Variants in CYP3A4 observed in about 807,000 individuals in gnomAD.
CYP3A4 encodes the protein cytochrome P450 3A4.
CYP3A4 carries 41 observed loss-of-function variants against 54.9 expected under a neutral mutation model. The observed-to-expected ratio is 0.75, with a 90% CI of 0.58 to 0.97. CYP3A4 has a LOEUF of 0.97. CYP3A4 is among the 50% of genes least tolerant of loss of function. The pLI is 0.00. For missense variants in CYP3A4, 510 were observed against 597.3 expected (o/e 0.85, Z 1.52); for synonymous variants, 179 against 205.2 (o/e 0.87, Z 1.09).
intron 8 of CYP3A4, chr7:99,766,848 T>A (rs71581995): frequency 8.9e-5 from 32 of 361,450 alleles, no homozygotes; most frequent in Non-Finnish European, 1.2e-4. Context: ...TGAAGGGAAG[T>A]AAAGTGGTAA....
chr7:99,768,498 A>G lies in CYP3A4; in HGVS notation c.526T>C (p.Phe176Leu), dbSNP rs780747370. 9.3e-5 allele frequency: 150 copies of G among 1,613,772 alleles called. No individual in the cohort carries two copies. Among genetic ancestry groups the G allele is most frequent in the Admixed American group, 1.5e-4 (9 of 59,986 alleles). ...TGKPVTLKDV[F>L]GAYSMDVITS... ...ATCACATCCATGCTGTAGGCCCCAA[A>G]GACGCTGAGTGGAGAAAGATGTGGA... Residue 176 changes from phenylalanine to leucine, a missense_variant, in exon 7 of 13, where the codon TTT (phenylalanine) becomes CTT (leucine). Physicochemically the swap from Phe to Leu is conservative, Grantham distance 22. This residue lies in a region of CYP3A4 where 272 missense variants were observed against 274.9 expected (regional missense o/e 0.99). Coordinates refer to ENST00000651514, the MANE Select transcript of CYP3A4 (RefSeq NM_017460.6).
At chr7:99,781,194 T>C (rs1363223103) in intron 1 of CYP3A4, among the ~76,000 whole-genome samples, 1 of 152,208 alleles carries the variant, frequency 6.6e-6, no homozygotes, top group Admixed American at 6.5e-5. Flanking sequence ...ATCTGTCTGC[T>C]TCTCCTTCAC....
At chr7:99,781,233 A>G (rs1584551263) in intron 1 of CYP3A4, among the ~76,000 whole-genome samples, 1 of 151,650 alleles carries the variant, frequency 6.6e-6, no homozygotes, top group Non-Finnish European at 1.5e-5. Flanking sequence ...ATTTCCTGAG[A>G]CCTCCCTAGA....
chr7:99,780,217 ACT>A, intron 1 of CYP3A4, 132 bp from the exon 2 acceptor site: 1 of 844,246 alleles, frequency 1.2e-6, no homozygotes, highest in Non-Finnish European at 1.9e-6. Context: ...AATAACAGTA[ACT>A]CTGACGGCAA....
intron 7 of CYP3A4, among the ~76,000 whole-genome samples, chr7:99,768,034 T>G (rs1447393725): frequency 6.6e-6 from 1 of 152,092 alleles, no homozygotes; most frequent in Non-Finnish European, 1.5e-5. Flanking sequence ...AACTAGAGAA[T>G]AAAAAACCCT....
rs1815313424 is a variant in CYP3A4 at position 99,761,104 on chromosome 7, T to G, written c.1254-123A>C. On this transcript the variant is annotated intron_variant, in intron 11 of 12. Transcript: ENST00000651514. ...TAGTACACAGGATACTTTTGTGGGCTGGTCATTGAAATCCTGCTATGCTTA... is the reference window on the plus strand; with the variant it reads ...TAGTACACAGGATACTTTTGTGGGCGGGTCATTGAAATCCTGCTATGCTTA... 2.7e-6 allele frequency: 3 copies of G among 1,127,638 alleles called. No individual in the cohort carries two copies. The East Asian group carries it at 7.2e-5, about 27-fold the overall frequency. The allele number at this position is 1,127,638 out of a possible 1,614,324, so 69.9% of individuals were successfully genotyped here. A position where few individuals can be genotyped will look rare whatever the true frequency, so the allele number is the denominator to read the frequency against.
intron 11 of CYP3A4, among the ~76,000 whole-genome samples, chr7:99,761,420 C>A (rs1355215382): frequency 6.6e-6 from 1 of 151,952 alleles, no homozygotes; most frequent in Non-Finnish European, 1.5e-5. Flanking sequence ...CTTTCCTTCT[C>A]ATCTCCTCTC....
chr7:99,769,477 A>G (rs1815571028), intron 6 of CYP3A4: 1 of 402,940 alleles, frequency 2.5e-6, no homozygotes, highest in Admixed American at 3.6e-5. Flanking sequence ...TGGTACAATC[A>G]CACTTTTTCC....
Position 99,769,748 on chromosome 7 carries a change from A to G in CYP3A4, c.521+20T>C, listed in dbSNP as rs777127885. Reference sequence around the variant, plus strand: ...GGGGTTCATGACAGCTCAGAACCCCATGGCTGCGCTTCTACTTACTCTTTC... The same window carrying G: ...GGGGTTCATGACAGCTCAGAACCCCGTGGCTGCGCTTCTACTTACTCTTTC... On this transcript the variant is annotated intron_variant, in intron 6 of 12. Coordinates refer to ENST00000651514, the MANE Select transcript of CYP3A4 (RefSeq NM_017460.6). The G allele has an allele frequency of 1.2e-6, 2 of 1,613,708 alleles. No individual in the cohort carries two copies. Among genetic ancestry groups the G allele is most frequent in the Non-Finnish European group, 8.5e-7 (1 of 1,179,740 alleles).
At chr7:99,769,722 A>AG (rs1015339273) in intron 6 of CYP3A4, 46 bp downstream of exon 6, 8 of 1,604,888 alleles carry the variant, frequency 5.0e-6, no homozygotes, top group Non-Finnish European at 6.8e-6. Context: ...AGGCAGCTGG[A>AG]GGGGTTCATG....
intron 3 of CYP3A4, among the ~76,000 whole-genome samples, chr7:99,776,760 G>A (rs1179619421): frequency 1.3e-5 from 2 of 152,116 alleles, no homozygotes; most frequent in African/African-American, 2.4e-5. Context: ...GTTGATGGGT[G>A]CAGCAAACCA....
At chr7:99,767,322 G>A (rs1815501323) in intron 7 of CYP3A4, 64 bp from the exon 8 acceptor site, 1 of 1,436,508 alleles carries the variant, frequency 7.0e-7, no homozygotes, top group African/African-American at 1.4e-5. Flanking sequence ...AATTTACCTG[G>A]AGCAATTCTA....
intron 5 of CYP3A4, 96 bp downstream of exon 5, chr7:99,770,026 A>G: frequency 6.6e-7 from 1 of 1,522,510 alleles, no homozygotes; most frequent in South Asian, 1.1e-5. Flanking sequence ...AATTCAGTGG[A>G]CTACCCCTTG....
At chr7:99,772,104 T>C (rs563160913) in intron 4 of CYP3A4, among the ~76,000 whole-genome samples, 1 of 152,272 alleles carries the variant, frequency 6.6e-6, no homozygotes, top group East Asian at 1.9e-4. Context: ...AAATAAAAAA[T>C]AGTTTGCTCT....
intron 10 of CYP3A4, 56 bp from the exon 11 acceptor site, chr7:99,762,323 C>A (rs780208252): frequency 3.8e-6 from 6 of 1,572,206 alleles, no homozygotes; most frequent in Non-Finnish European, 5.2e-6. Context: ...ACTTTTAACT[C>A]AGTCCATGCA....
At position 99,767,255 on chromosome 7, in the gene CYP3A4, A is replaced by T; in HGVS notation, c.674T>A (p.Val225Asp). 1.9e-6 allele frequency: 3 copies of T among 1,578,488 alleles called. No homozygotes were observed. The highest frequency in any genetic ancestry group is 4.0e-5 in the Admixed American group (2 of 49,558). The change falls in exon 8 of 13, where the codon GTC becomes GAC. Residue 225 changes from valine to aspartate, a missense_variant. Val to Asp is a radical substitution (Grantham distance 152). Coordinates refer to ENST00000651514, the MANE Select transcript of CYP3A4 (RefSeq NM_017460.6). ...AAGAATTGGGATGAGGAATGGAAAG[A>T]CTGCTGTAGGAAAAACAAAACAAAA... Reference protein sequence around the residue: ...FLDPFFLSITVFPFLIPILEV... With the variant: ...FLDPFFLSITDFPFLIPILEV...
intron 6 of CYP3A4, among the ~76,000 whole-genome samples, chr7:99,768,845 A>G (rs1276508597): frequency 6.6e-6 from 1 of 152,204 alleles, no homozygotes; most frequent in Non-Finnish European, 1.5e-5. Context: ...CTTCAGCAGA[A>G]CAAGAGTAGA....
rs1208976807 is a variant in CYP3A4, at chr7:99,784,151, A to G, written c.-70T>C. On this transcript the variant is annotated 5_prime_UTR_variant, in exon 1 of 13. Transcript: ENST00000651514. ...GCTCTGTGTTGCTCTTTGCTGGGCT[A>G]TGTGCATGGAGCTTTCCTGCCCTGC... 7 of 1,426,144 alleles carry G rather than the reference A, an allele frequency of 4.9e-6. No individual in the cohort carries two copies. Among genetic ancestry groups the G allele is most frequent in the Admixed American group, 3.4e-5 (2 of 59,192 alleles). 88.3% of individuals were successfully genotyped at this position (1,426,144 alleles called of 1,614,324 possible).
At chr7:99,764,874 C>A (rs1034588750) in intron 9 of CYP3A4, among the ~76,000 whole-genome samples, 53 of 152,196 alleles carry the variant, frequency 3.5e-4, no homozygotes, top group Non-Finnish European at 6.8e-4. Flanking sequence ...CAAGTTGGGC[C>A]CCTCTTGATT....
Sources: gnomAD v4.1 joint callset for allele counts (sites outside exome capture counted in the v4.1 genomes callset) on GRCh38, gnomAD v4.1.1 for gene constraint, gnomAD v4.1.1 regional missense constraint, MANE v1.5 for transcripts, NCBI Gene and HGNC (gene_info 2026-07-23, HGNC 2026-07-21) for gene names.